Variants in ATP6V0D1 observed in about 807,000 individuals in gnomAD.
ATP6V0D1 encodes the protein V-type proton ATPase subunit d 1.
Under a neutral mutation model 39.0 loss-of-function variants are expected in ATP6V0D1, and 13 were observed. That is an observed-to-expected ratio of 0.33 (90% CI 0.22 to 0.53). ATP6V0D1 has a LOEUF of 0.53. ATP6V0D1 is among the 20% of genes least tolerant of loss of function. ATP6V0D1 has a pLI of 0.94. For synonymous variants in ATP6V0D1, 191 were observed against 191.2 expected, an observed-to-expected ratio of 1.00 and a Z score of 0.01; for missense variants, 272 against 470.9, an observed-to-expected ratio of 0.58 and a Z score of 3.91.
Position 67,439,004 on chromosome 16 carries a change from A to G in ATP6V0D1, c.783T>C (p.Tyr261=). ...GLAQLARADD[Y]EQVKNVADYY... is the part of the protein sequence containing the mutation. ...AATCGGCCACGTTCTTGACCTGTTC[A>G]TAGTCGTCAGCCCGAGCCAGCTGCG... Residue 261 remains tyrosine, a synonymous_variant, in exon 6 of 8, where the codon TAT becomes TAC. Transcript: ENST00000290949. 2.5e-6 allele frequency: 4 copies of G among 1,614,122 alleles called. No homozygotes were observed. Among genetic ancestry groups the G allele is most frequent in the Non-Finnish European group, 3.4e-6 (4 of 1,180,026 alleles).
At chr16:67,473,195 C>T (rs1291833861) in intron 1 of ATP6V0D1, among the ~76,000 whole-genome samples, 1 of 152,168 alleles carries the variant, frequency 6.6e-6, no homozygotes, top group African/African-American at 2.4e-5. Flanking sequence ...GCTCTTCCCA[C>T]CTCTTGGCCT....
intron 1 of ATP6V0D1, among the ~76,000 whole-genome samples, chr16:67,480,221 A>G (rs1238227645): frequency 6.7e-6 from 1 of 150,302 alleles, no homozygotes; most frequent in African/African-American, 2.4e-5. Context: ...AAAAAAAAAA[A>G]GAAGTCAACG....
chr16:67,466,376 C>CACAA (rs2041331062), intron 1 of ATP6V0D1, among the ~76,000 whole-genome samples: 2 of 127,458 alleles, frequency 1.6e-5, no homozygotes, highest in Non-Finnish European at 3.4e-5. Flanking sequence ...CACACACACA[C>CACAA]AAAATTAGCC....
At chr16:67,475,090 C>A (rs2041404076) in intron 1 of ATP6V0D1, among the ~76,000 whole-genome samples, 1 of 152,232 alleles carries the variant, frequency 6.6e-6, no homozygotes, top group South Asian at 2.1e-4. Context: ...GTGGCCTCCA[C>A]CTTCAAATTG....
chr16:67,467,636 AT>A (rs1427327615), intron 1 of ATP6V0D1, among the ~76,000 whole-genome samples: 1 of 152,158 alleles, frequency 6.6e-6, no homozygotes, highest in Non-Finnish European at 1.5e-5. Flanking sequence ...AAGTGGGCAA[AT>A]ACATCTCTGC....
At chr16:67,474,375 T>G (rs1356232617) in intron 1 of ATP6V0D1, among the ~76,000 whole-genome samples, 1 of 152,168 alleles carries the variant, frequency 6.6e-6, no homozygotes, top group African/African-American at 2.4e-5. Context: ...ATCAGTAAGG[T>G]CTTCTCTAAC....
intron 1 of ATP6V0D1, chr16:67,455,836 T>G (rs893711352): frequency 1.3e-5 from 2 of 152,206 alleles, no homozygotes; most frequent in African/African-American, 4.8e-5. Context: ...CTCAGTAAAC[T>G]TGGGTGGTTG....
chr16:67,439,113 A>G lies in ATP6V0D1; in HGVS notation c.674T>C (p.Ile225Thr). 1 of 1,614,166 alleles carries G rather than the reference A, an allele frequency of 6.2e-7. No homozygotes were observed. Among genetic ancestry groups the G allele is most frequent in the African/African-American group, 1.3e-5 (1 of 75,044 alleles). The change falls in exon 6 of 8, where the codon ATC (isoleucine) becomes ACC (threonine). Residue 225 changes from isoleucine to threonine, a missense_variant. Physicochemically the swap from Ile to Thr is moderately conservative, Grantham distance 89 (BLOSUM62 -1). Coordinates refer to ENST00000290949, the MANE Select transcript of ATP6V0D1 (RefSeq NM_004691.5). ...GGACAGCTCTGTGCCGAAAGAATTG[A>G]TGGTGATGATGAAGGCGCGGCGGTC... The part of the protein sequence containing the change: ...EADRRAFIIT[I>T]NSFGTELSKE...
chr16:67,444,715 G>A lies in ATP6V0D1; in HGVS notation c.303-9C>T, dbSNP rs1271159262. On this transcript the variant is annotated splice_polypyrimidine_tract_variant and intron_variant, in intron 2 of 7. Transcript: ENST00000290949. The surrounding 1 kb of genome is among the most constrained non-coding windows in gnomAD (Gnocchi z 4.8). Reference sequence around the variant, plus strand: ...CGATCATGTAACTGTAACTACAGGGGGCAGGCAATAGCAAGGAGCCCATCA... The same window carrying A: ...CGATCATGTAACTGTAACTACAGGGAGCAGGCAATAGCAAGGAGCCCATCA... 1.9e-6 allele frequency: 3 copies of A among 1,583,962 alleles called. No homozygotes were observed. The highest frequency in any genetic ancestry group is 1.1e-5 in the South Asian group (1 of 88,982).
At chr16:67,473,070 G>A (rs561222571) in intron 1 of ATP6V0D1, among the ~76,000 whole-genome samples, 8 of 152,064 alleles carry the variant, frequency 5.3e-5, no homozygotes, top group Admixed American at 1.3e-4. Flanking sequence ...TCCAGACCTC[G>A]CTGCTGCAAA....
intron 1 of ATP6V0D1, chr16:67,455,489 C>A (rs2041228908): frequency 6.6e-6 from 1 of 152,168 alleles, no homozygotes; most frequent in Non-Finnish European, 1.5e-5. Context: ...TCTGTGGCTC[C>A]TGGGCACTCA....
intron 1 of ATP6V0D1, among the ~76,000 whole-genome samples, chr16:67,475,518 AG>A (rs2041407673): frequency 6.6e-6 from 1 of 152,228 alleles, no homozygotes; most frequent in Non-Finnish European, 1.5e-5. Flanking sequence ...CTGGCTGAGA[AG>A]AACAATTTCC....
intron 2 of ATP6V0D1, chr16:67,445,859 C>A: frequency 2.2e-6 from 1 of 450,704 alleles, no homozygotes; most frequent in Non-Finnish European, 4.5e-6. Context: ...CACAGTTAGG[C>A]TGCAGTAGCC....
intron 1 of ATP6V0D1, among the ~76,000 whole-genome samples, chr16:67,461,311 G>A (rs945362386): frequency 1.3e-5 from 2 of 152,224 alleles, no homozygotes; most frequent in Admixed American, 6.5e-5. Flanking sequence ...TGGGGAAAGA[G>A]AAACAGGGCT....
intron 1 of ATP6V0D1, among the ~76,000 whole-genome samples, chr16:67,476,119 G>A (rs143867322): frequency 0.023 from 3,515 of 152,208 alleles, 64 homozygotes; most frequent in Middle Eastern, 0.037. Context: ...CTACTCAGGA[G>A]GCTGAGGCAG....
At chr16:67,439,714 T>G in intron 4 of ATP6V0D1, 6 of 288,554 alleles carry the variant, frequency 2.1e-5, no homozygotes, top group Non-Finnish European at 3.3e-5. Flanking sequence ...AAACCTCCCC[T>G]TCCTCAGCCT....
intron 1 of ATP6V0D1, among the ~76,000 whole-genome samples, chr16:67,464,656 A>C (rs953424581): frequency 6.6e-6 from 1 of 152,244 alleles, no homozygotes. Flanking sequence ...GGCCACCAGC[A>C]CAGGGACAAG....
At chr16:67,457,735 G>A (rs1024757814) in intron 1 of ATP6V0D1, 18 of 956,192 alleles carry the variant, frequency 1.9e-5, no homozygotes, top group South Asian at 1.2e-4. Context: ...CCACTCCTGG[G>A]CTCAGCAAGG....
At chr16:67,469,235 G>GA (rs1354475626) in intron 1 of ATP6V0D1, among the ~76,000 whole-genome samples, 1 of 152,218 alleles carries the variant, frequency 6.6e-6, no homozygotes, top group East Asian at 1.9e-4. Flanking sequence ...TTCAACCTGG[G>GA]AGGCGGAGGT....
Sources: allele counts gnomAD v4.1 joint callset (sites outside exome capture counted in the v4.1 genomes callset), GRCh38; gene constraint gnomAD v4.1.1; non-coding constraint Gnocchi (gnomAD v3.1); transcripts MANE v1.5; gene names NCBI Gene and HGNC (gene_info 2026-07-23, HGNC 2026-07-21).